SF3B3: variants seen among roughly 807,000 people sequenced by gnomAD.
The protein encoded by SF3B3 is splicing factor 3b subunit 3.
Under a neutral mutation model 139.2 loss-of-function variants are expected in SF3B3, and 33 were observed. That is an observed-to-expected ratio of 0.24 (90% CI 0.18 to 0.32). The LOEUF (loss-of-function observed/expected upper bound fraction) is 0.32. SF3B3 is among the 10% of genes least tolerant of loss of function. The pLI is 1.00. For synonymous variants in SF3B3, 596 were observed against 563.6 expected (o/e 1.06, Z -0.81); for missense variants, 818 against 1,509.4 (o/e 0.54, Z 7.59).
At position 70,571,798 on chromosome 16, in the gene SF3B3, C is replaced by G; in HGVS notation, c.3639C>G (p.Thr1213=). 1.9e-6 allele frequency: 3 copies of G among 1,613,470 alleles called. No homozygotes were observed. Among genetic ancestry groups the G allele is most frequent in the South Asian group, 1.1e-5 (1 of 91,040 alleles). ...EVSKKLEDIR[T]RYAF is the part of the protein sequence containing the mutation. Reference sequence around the variant, plus strand: ...CCAAGAAACTCGAGGATATCCGGACCCGCTACGCCTTCTGAGCCCTCCTTT... The same window carrying G: ...CCAAGAAACTCGAGGATATCCGGACGCGCTACGCCTTCTGAGCCCTCCTTT... The change falls in exon 26 of 26, where the codon ACC becomes ACG. Residue 1213 remains threonine (T), a synonymous_variant. Coordinates refer to ENST00000302516, the MANE Select transcript of SF3B3 (RefSeq NM_012426.5).
At chr16:70,551,932 T>G (rs1365869339) in intron 11 of SF3B3, among the ~76,000 whole-genome samples, 1 of 152,212 alleles carries the variant, frequency 6.6e-6, no homozygotes, top group Non-Finnish European at 1.5e-5. Flanking sequence ...ACAATGTGCT[T>G]GGTATTCACA....
Position 70,571,116 on chromosome 16 carries a change from G to C in SF3B3, c.3430G>C (p.Val1144Leu). ...SHEDHDFFQHVEMHLRSEHPP... is the reference protein window; with the variant it reads ...SHEDHDFFQHLEMHLRSEHPP... ...CCAGGACCATGACTTCTTCCAGCATGTGGAAATGCACCTGCGGTCTGAACA... is the reference window on the plus strand; with the variant it reads ...CCAGGACCATGACTTCTTCCAGCATCTGGAAATGCACCTGCGGTCTGAACA... Residue 1144 changes from valine to leucine, a missense_variant, in exon 25 of 26, where the codon GTG (valine) becomes CTG (leucine). By Grantham distance (32) the Val-to-Leu change is conservative (BLOSUM62 1). Around this residue, in one of 14 missense-constraint regions of SF3B3, gnomAD observed 44 missense variants for 40.4 expected, o/e 1.09. Transcript: ENST00000302516. 6.2e-7 allele frequency: 1 copy of C among 1,614,068 alleles called. No homozygotes were observed. Among genetic ancestry groups the C allele is most frequent in the Non-Finnish European group, 8.5e-7 (1 of 1,179,956 alleles).
chr16:70,548,445 A>G lies in SF3B3; in HGVS notation c.1402+3A>G. 5 of 1,613,598 alleles carry G rather than the reference A, an allele frequency of 3.1e-6. No homozygotes were observed. The highest frequency in any genetic ancestry group is 4.2e-6 in the Non-Finnish European group (5 of 1,179,806). The stretch of plus-strand genomic sequence containing the variant: ...GACAGTGCGTCGACACATTGAAGGT[A>G]AGCAGCTTTTTCCCAATAGTCAAAA... On this transcript the variant is annotated splice_donor_region_variant and intron_variant, in intron 11 of 25. Transcript: ENST00000302516.
chr16:70,526,778 C>A, intron 2 of SF3B3, 52 bp downstream of exon 2: 1 of 1,196,146 alleles, frequency 8.4e-7, no homozygotes, highest in East Asian at 2.3e-5. Context: ...TAATACATAT[C>A]TTGCTTAGTC....
In SF3B3 at chr16:70,576,744, C is replaced by T. The variant is rs1461983410; in HGVS notation, c.*4931C>T. 1 of 152,166 alleles carries T rather than the reference C, an allele frequency of 6.6e-6. No homozygotes were observed. The highest frequency in any genetic ancestry group is 6.6e-5 in the Admixed American group (1 of 15,266). 9.4% of individuals were successfully genotyped at this position (152,166 alleles called of 1,614,324 possible). A position where few individuals can be genotyped will look rare whatever the true frequency, so the allele number is the denominator to read the frequency against. On this transcript the variant is annotated 3_prime_UTR_variant, in exon 26 of 26. Transcript: ENST00000302516. The stretch of plus-strand genomic sequence containing the variant: ...CCAAATGCCAAGAGGCAGCAAAGTC[C>T]ATGAAGAGAGCACTGTATACAGTCA...
At chr16:70,569,914 T>G in intron 23 of SF3B3, 92 bp from the exon 24 acceptor site, 3 of 1,406,572 alleles carry the variant, frequency 2.1e-6, no homozygotes, top group Non-Finnish European at 2.9e-6. Flanking sequence ...TAATAGATGA[T>G]GAAATGTGCC....
chr16:70,542,230 C>G (rs2050225760), intron 9 of SF3B3, among the ~76,000 whole-genome samples: 1 of 151,158 alleles, frequency 6.6e-6, no homozygotes, highest in Non-Finnish European at 1.5e-5. Flanking sequence ...TGTGTTATAT[C>G]TTTTTCTTTT....
At chr16:70,571,071 C>T in intron 24 of SF3B3, 24 bp from the exon 25 acceptor site, 1 of 1,559,858 alleles carries the variant, frequency 6.4e-7, no homozygotes, top group South Asian at 1.1e-5. Context: ...TTCTCAGTGA[C>T]AGATTTTTTG....
chr16:70,567,685 T>G (rs952568419), intron 21 of SF3B3, 149 bp downstream of exon 21: 78 of 1,044,766 alleles, frequency 7.5e-5, no homozygotes, highest in Non-Finnish European at 9.5e-5. Context: ...TGCCCTTGTT[T>G]TTTTGTTTTT....
At chr16:70,536,531 ATTTTTTT>A (rs58664231) in intron 6 of SF3B3, among the ~76,000 whole-genome samples, 1 of 143,646 alleles carries the variant, frequency 7.0e-6, no homozygotes, top group African/African-American at 2.5e-5. Flanking sequence ...CGCCCGGCTA[ATTTTTTT>A]TTTTTTGTAT....
intron 2 of SF3B3, chr16:70,527,060 A>G (rs2050071345): frequency 3.6e-6 from 1 of 280,624 alleles, no homozygotes; most frequent in African/African-American, 2.2e-5. Flanking sequence ...GGTTGGGTAA[A>G]AAGAATGTCT....
intron 5 of SF3B3, among the ~76,000 whole-genome samples, chr16:70,534,913 C>A (rs573166693): frequency 6.6e-6 from 1 of 152,256 alleles, no homozygotes; most frequent in African/African-American, 2.4e-5. Context: ...AGGTGATCTG[C>A]CTTTGGTCTC....
chr16:70,554,693 C>T (rs1567419688), intron 12 of SF3B3, 96 bp downstream of exon 12: 2 of 1,271,200 alleles, frequency 1.6e-6, no homozygotes, highest in Non-Finnish European at 2.2e-6. Flanking sequence ...TTCACCCTCA[C>T]CTTCCAGCAA....
chr16:70,565,021 A>AC, intron 18 of SF3B3, 44 bp from the exon 19 acceptor site: 1 of 1,590,276 alleles, frequency 6.3e-7, no homozygotes, highest in Non-Finnish European at 8.6e-7. Flanking sequence ...GCCAGCCCCT[A>AC]CCTCTGAGCA....
At chr16:70,550,552 C>T (rs1344893563) in intron 11 of SF3B3, 1 of 468,908 alleles carries the variant, frequency 2.1e-6, no homozygotes, top group African/African-American at 2.1e-5. Context: ...AACATTCCTT[C>T]TGCCTGCACA....
rs74525426 is a variant in SF3B3, at chr16:70,544,638, G to T, written c.1329+105G>T. 6,855 of 695,220 alleles carry T rather than the reference G, an allele frequency of 9.9e-3. 383 individuals carry two copies. In the African/African-American group the frequency reaches 0.11, roughly 11 times the overall value. 43.1% of individuals were successfully genotyped at this position (695,220 alleles called of 1,614,324 possible). A position where few individuals can be genotyped will look rare whatever the true frequency, so the allele number is the denominator to read the frequency against. On this transcript the variant is annotated intron_variant, in intron 10 of 25. Coordinates refer to ENST00000302516, the MANE Select transcript of SF3B3 (RefSeq NM_012426.5). Reference sequence around the variant, plus strand: ...TGTCAAAGACATAGTTAAGGTGTCTGTGAAAAAGTATGTTCTTTCTCCCTG... The same window carrying T: ...TGTCAAAGACATAGTTAAGGTGTCTTTGAAAAAGTATGTTCTTTCTCCCTG...
intron 24 of SF3B3, among the ~76,000 whole-genome samples, chr16:70,570,531 C>T (rs752176063): frequency 4.6e-5 from 7 of 152,048 alleles, no homozygotes; most frequent in Non-Finnish European, 8.8e-5. Context: ...GGGGTTTCAC[C>T]GTGTTAGCCA....
intron 7 of SF3B3, 152 bp downstream of exon 7, chr16:70,538,612 T>A: frequency 1.6e-6 from 1 of 637,604 alleles, no homozygotes; most frequent in South Asian, 2.4e-5. Flanking sequence ...GGTTATCAGA[T>A]TTTTGGTCTA....
intron 9 of SF3B3, among the ~76,000 whole-genome samples, chr16:70,543,578 G>A (rs935959815): frequency 1.3e-5 from 2 of 151,790 alleles, no homozygotes; most frequent in African/African-American, 4.8e-5. Context: ...CATGGTGGTG[G>A]GTGCTTGTAA....
Sources: gnomAD v4.1 joint callset for allele counts (sites outside exome capture counted in the v4.1 genomes callset) on GRCh38, gnomAD v4.1.1 for gene constraint, gnomAD v4.1.1 regional missense constraint, MANE v1.5 for transcripts, NCBI Gene and HGNC (gene_info 2026-07-23, HGNC 2026-07-21) for gene names.